Variants in CACNA1D observed in about 807,000 individuals in gnomAD.
The protein encoded by CACNA1D is calcium voltage-gated channel subunit alpha1 D, also known as voltage-dependent L-type calcium channel subunit alpha-1D.
A neutral mutation model predicts 257.1 loss-of-function variants in CACNA1D; 55 were observed. That is an observed-to-expected ratio of 0.21 (90% CI 0.17 to 0.27). The LOEUF is 0.27. Among genes scored for constraint, CACNA1D ranks in the 10% least tolerant of loss-of-function variants. CACNA1D has a pLI of 1.00. For synonymous variants in CACNA1D, 980 were observed against 1,014.9 expected (o/e 0.97, Z 0.65); for missense variants, 1,876 against 2,784.0 (o/e 0.67, Z 7.34).
At chr3:53,612,334 T>C (rs1390296532) in intron 3 of CACNA1D, among the ~76,000 whole-genome samples, 5 of 152,228 alleles carry the variant, frequency 3.3e-5, no homozygotes, top group Admixed American at 6.5e-5. Flanking sequence ...AATGTGTAAT[T>C]TGTTACGGTT....
intron 3 of CACNA1D, among the ~76,000 whole-genome samples, chr3:53,632,859 T>C (rs184374295): frequency 3.4e-3 from 514 of 152,292 alleles, no homozygotes; most frequent in Admixed American, 4.5e-3. Flanking sequence ...CTCCAAACAA[T>C]TACAATAGTA....
At chr3:53,725,798 G>C (rs1436268097) in intron 14 of CACNA1D, among the ~76,000 whole-genome samples, 2 of 152,196 alleles carry the variant, frequency 1.3e-5, no homozygotes, top group East Asian at 3.8e-4. Context: ...ATCCATAACA[G>C]TTTAAATTTT....
intron 3 of CACNA1D, among the ~76,000 whole-genome samples, chr3:53,617,107 G>T (rs36003262): frequency 0.031 from 4,737 of 152,172 alleles, 229 homozygotes; most frequent in African/African-American, 0.094. Context: ...ATCCCCTGAG[G>T]TCTAGCCCTC....
intron 8 of CACNA1D, among the ~76,000 whole-genome samples, chr3:53,697,616 AC>A (rs2094584291): frequency 1.3e-5 from 2 of 152,216 alleles, no homozygotes; most frequent in African/African-American, 2.4e-5. Flanking sequence ...TAGAAATAGC[AC>A]AGTGAATAAT....
Position 53,710,996 on chromosome 3 carries a change from C to T in CACNA1D, c.1391-7305C>T, listed in dbSNP as rs574685557. Reference sequence around the variant, plus strand: ...CTGTAATTCCAGCACTTTAGGAAGCCGAGGCAGGAGGATCACTTGAAGCCA... The same window carrying T: ...CTGTAATTCCAGCACTTTAGGAAGCTGAGGCAGGAGGATCACTTGAAGCCA... On this transcript the variant is annotated intron_variant, in intron 9 of 47. Transcript: ENST00000350061. Among the ~76,000 whole-genome samples the T allele has an allele frequency of 4.6e-5, 7 of 152,176 alleles. No homozygotes were observed. The East Asian group carries it at 9.7e-4, about 21-fold the overall frequency.
intron 3 of CACNA1D, among the ~76,000 whole-genome samples, chr3:53,635,128 G>T (rs750400495): frequency 6.6e-6 from 1 of 152,216 alleles, no homozygotes; most frequent in African/African-American, 2.4e-5. Flanking sequence ...ACCCTCCCCC[G>T]ATTTCACCTT....
intron 40 of CACNA1D, among the ~76,000 whole-genome samples, chr3:53,788,018 C>T (rs2095464950): frequency 6.6e-6 from 1 of 152,172 alleles, no homozygotes; most frequent in South Asian, 2.1e-4. Flanking sequence ...GTCCTTCACT[C>T]TTATCCAGGG....
At chr3:53,613,765 A>G (rs2093607477) in intron 3 of CACNA1D, among the ~76,000 whole-genome samples, 1 of 151,894 alleles carries the variant, frequency 6.6e-6, no homozygotes, top group African/African-American at 2.4e-5. Flanking sequence ...ACTTTCTGAC[A>G]CTTCTTCCTT....
In CACNA1D at chr3:53,723,311, A is replaced by G. The variant is rs1576463327; in HGVS notation, c.1667-123A>G. 2.6e-6 allele frequency: 2 copies of G among 769,562 alleles called. No individual in the cohort carries two copies. Among genetic ancestry groups the G allele is most frequent in the East Asian group, 5.0e-5 (2 of 39,678 alleles). The allele number at this position is 769,562 out of a possible 1,614,324, so 47.7% of individuals were successfully genotyped here. On this transcript the variant is annotated intron_variant, in intron 12 of 47. Transcript: ENST00000350061. This position sits in a 1 kb window ranked among gnomAD's most constrained non-coding sequence, Gnocchi z 5.6. Reference sequence around the variant, plus strand: ...GTTTCTGTCCTGAGTGAGGTAGTGAAGAGAGAGACAAGGTATTGGCGTATT... The same window carrying G: ...GTTTCTGTCCTGAGTGAGGTAGTGAGGAGAGAGACAAGGTATTGGCGTATT...
chr3:53,708,079 CCCTAGCTGCCTCTCTTTTGCATGTGCTA>C (rs1384483853), intron 9 of CACNA1D, among the ~76,000 whole-genome samples: 1 of 152,230 alleles, frequency 6.6e-6, no homozygotes, highest in Admixed American at 6.5e-5. Context: ...GAGCAGGTTG[CCCTAGCTGCCTCTCTTTTGCATGTGCTA>C]CCTAGTTGCC....
chr3:53,785,613 A>G (rs2095448704), intron 39 of CACNA1D: 2 of 152,210 alleles, frequency 1.3e-5, no homozygotes, highest in Non-Finnish European at 2.9e-5. Context: ...AGCACATTTT[A>G]AAATAAGGGT....
At chr3:53,574,078 G>A (rs2092994453) in intron 3 of CACNA1D, among the ~76,000 whole-genome samples, 1 of 152,216 alleles carries the variant, frequency 6.6e-6, no homozygotes, top group South Asian at 2.1e-4. Context: ...GGAAGGGCAA[G>A]AAGATGAGTC....
intron 20 of CACNA1D, among the ~76,000 whole-genome samples, chr3:53,737,208 G>A (rs368561359): frequency 3.3e-5 from 5 of 152,070 alleles, no homozygotes; most frequent in African/African-American, 1.2e-4. Flanking sequence ...GCTGAGGTAT[G>A]AGCAGTGAGC....
intron 7 of CACNA1D, among the ~76,000 whole-genome samples, chr3:53,667,525 C>T (rs139475384): frequency 2.7e-3 from 409 of 152,168 alleles, no homozygotes; most frequent in African/African-American, 9.5e-3. Context: ...GACAGAAGGC[C>T]TGTAAATTGA....
chr3:53,569,385 C>G (rs1358854412), intron 3 of CACNA1D, among the ~76,000 whole-genome samples: 1 of 152,208 alleles, frequency 6.6e-6, no homozygotes, highest in South Asian at 2.1e-4. Flanking sequence ...CAGGGGTTGT[C>G]ATCTCTGTGC....
chr3:53,761,883 C>T, intron 29 of CACNA1D, 115 bp from the exon 30 acceptor site: 1 of 775,772 alleles, frequency 1.3e-6, no homozygotes, highest in South Asian at 1.4e-5. Flanking sequence ...TTTGGCTTTC[C>T]CACCCTACCT....
rs145328345 is a variant in CACNA1D at position 53,760,560 on chromosome 3, G to A, written c.3787-1438G>A. ...AGCTGTTGATCTTGACAGTCAGTCCGTTGCCTCTTTGGCTGTCTGTGCAGT... is the reference window on the plus strand; with the variant it reads ...AGCTGTTGATCTTGACAGTCAGTCCATTGCCTCTTTGGCTGTCTGTGCAGT... On this transcript the variant is annotated intron_variant, in intron 29 of 47. Coordinates refer to ENST00000350061, the MANE Select transcript of CACNA1D (RefSeq NM_001128840.3). Among the ~76,000 whole-genome samples, 509 of 152,272 alleles carry A rather than the reference G, an allele frequency of 3.3e-3. 4 individuals carry two copies. Among genetic ancestry groups the A allele is most frequent in the African/African-American group, 0.011 (464 of 41,536 alleles).
At chr3:53,715,510 G>A (rs1419516701) in intron 9 of CACNA1D, among the ~76,000 whole-genome samples, 1 of 152,040 alleles carries the variant, frequency 6.6e-6, no homozygotes, top group Non-Finnish European at 1.5e-5. Context: ...TGGATTGGTC[G>A]CTTTGCTTCC....
At chr3:53,784,575 G>A (rs777678891) in intron 39 of CACNA1D, among the ~76,000 whole-genome samples, 35 of 152,340 alleles carry the variant, frequency 2.3e-4, no homozygotes, top group Non-Finnish European at 4.1e-4. Flanking sequence ...GCTGAAGGGA[G>A]ATCAGAGTTA....
Sources: allele counts gnomAD v4.1 joint callset (sites outside exome capture counted in the v4.1 genomes callset), GRCh38; gene constraint gnomAD v4.1.1; non-coding constraint Gnocchi (gnomAD v3.1); transcripts MANE v1.5; gene names NCBI Gene and HGNC (gene_info 2026-07-23, HGNC 2026-07-21).